ADAM12: variants seen among roughly 807,000 people sequenced by gnomAD.
ADAM12 encodes the protein ADAM metallopeptidase domain 12.
A neutral mutation model predicts 106.4 loss-of-function variants in ADAM12; 70 were observed. That is an observed-to-expected ratio of 0.66 (90% confidence interval 0.54 to 0.80). The LOEUF (loss-of-function observed/expected upper bound fraction) is 0.80. Ranked by LOEUF, ADAM12 falls within the 30% of genes least tolerant of loss-of-function variation. The probability of loss-of-function intolerance (pLI) is 0.00; values close to 1 mark genes in which losing one functional copy is unlikely to be tolerated. For missense variants in ADAM12, 1,010 were observed against 1,171.9 expected (o/e 0.86, Z 2.02); for synonymous variants, 420 against 433.5 (o/e 0.97, Z 0.39).
chr10:126,116,671 C>T (rs1023868062), intron 6 of ADAM12, among the ~76,000 whole-genome samples: 1 of 151,860 alleles, frequency 6.6e-6, no homozygotes, highest in Admixed American at 6.6e-5. Context: ...TGAGCACCTG[C>T]CATAGAAAGT....
chr10:126,376,570 A>G (rs1361110167), intron 1 of ADAM12, among the ~76,000 whole-genome samples: 2 of 152,254 alleles, frequency 1.3e-5, no homozygotes, highest in Non-Finnish European at 2.9e-5. Context: ...TATATCTTAC[A>G]AAGATGCACA....
chr10:126,242,567 C>T (rs375651052), intron 3 of ADAM12, among the ~76,000 whole-genome samples: 3 of 152,212 alleles, frequency 2.0e-5, no homozygotes, highest in African/African-American at 7.2e-5. Context: ...CTTCACAGAG[C>T]GTGGGCGTCT....
intron 3 of ADAM12, among the ~76,000 whole-genome samples, chr10:126,165,575 T>A (rs1364563633): frequency 6.6e-6 from 1 of 152,214 alleles, no homozygotes. Context: ...GTTAAGTGAC[T>A]TGTCCAAAGC....
intron 6 of ADAM12, 24 bp from the exon 7 acceptor site, chr10:126,109,864 A>T (rs370065415): frequency 5.6e-6 from 9 of 1,605,282 alleles, no homozygotes; most frequent in Non-Finnish European, 7.7e-6. Flanking sequence ...ACATGCACTT[A>T]ATCTCTCTTA....
chr10:126,061,075 A>T (rs1467870880), intron 14 of ADAM12, among the ~76,000 whole-genome samples: 1 of 152,116 alleles, frequency 6.6e-6, no homozygotes, highest in African/African-American at 2.4e-5. Context: ...CTGGCAAACC[A>T]CTATTCCACG....
chr10:126,359,408 C>T (rs934133426), intron 1 of ADAM12, among the ~76,000 whole-genome samples: 4 of 152,182 alleles, frequency 2.6e-5, no homozygotes, highest in Admixed American at 6.5e-5. Context: ...CCTGTAAAAT[C>T]AAAAGCAAGT....
At chr10:126,274,037 C>A (rs1017487745) in intron 3 of ADAM12, among the ~76,000 whole-genome samples, 2 of 152,172 alleles carry the variant, frequency 1.3e-5, no homozygotes, top group Non-Finnish European at 2.9e-5. Context: ...AATTGTTTCT[C>A]ACCCCACCCA....
intron 1 of ADAM12, among the ~76,000 whole-genome samples, chr10:126,380,279 C>G (rs1184603490): frequency 6.6e-6 from 1 of 152,174 alleles, no homozygotes; most frequent in African/African-American, 2.4e-5. Flanking sequence ...ATTCAATGTG[C>G]ACATTTCAAT....
At chr10:126,242,012 T>C (rs547279708) in intron 3 of ADAM12, among the ~76,000 whole-genome samples, 1 of 152,264 alleles carries the variant, frequency 6.6e-6, no homozygotes, top group African/African-American at 2.4e-5. Flanking sequence ...ACATACATGT[T>C]TGGAATCTTA....
intron 3 of ADAM12, among the ~76,000 whole-genome samples, chr10:126,235,639 A>T (rs74938218): frequency 0.074 from 11,219 of 152,234 alleles, 504 homozygotes; most frequent in East Asian, 0.13. Flanking sequence ...AGAAGATGCC[A>T]CCAGGATGCG....
chr10:126,081,513 C>G (rs1263294014), intron 11 of ADAM12, among the ~76,000 whole-genome samples: 1 of 152,092 alleles, frequency 6.6e-6, no homozygotes, highest in East Asian at 1.9e-4. Context: ...TTTTGCAGAC[C>G]AAAATGGAGT....
At chr10:126,369,000 G>A (rs1281555027) in intron 1 of ADAM12, among the ~76,000 whole-genome samples, 1 of 152,108 alleles carries the variant, frequency 6.6e-6, no homozygotes, top group Non-Finnish European at 1.5e-5. Flanking sequence ...TACCCAATAT[G>A]AAAATTAGCA....
At chr10:126,091,120 T>C (rs1480100798) in intron 11 of ADAM12, 1 of 150,774 alleles carries the variant, frequency 6.6e-6, no homozygotes, top group Non-Finnish European at 1.5e-5. Flanking sequence ...ACTGGGAGTC[T>C]TTCCAGCAAT....
chr10:126,017,400 G>T, intron 22 of ADAM12, 61 bp from the exon 23 acceptor site: 1 of 1,465,196 alleles, frequency 6.8e-7, no homozygotes, highest in Non-Finnish European at 9.3e-7. Context: ...TCTGAGGATA[G>T]AGAGGTCTGG....
At chr10:126,307,598 T>C (rs567285979) in intron 2 of ADAM12, among the ~76,000 whole-genome samples, 24 of 152,156 alleles carry the variant, frequency 1.6e-4, no homozygotes, top group Non-Finnish European at 3.1e-4. Flanking sequence ...TGGAGTGCAG[T>C]GGCGCGATCT....
In ADAM12 at chr10:126,049,104, C is replaced by A. The variant is rs1426403710; in HGVS notation, c.1917+149G>T. On this transcript the variant is annotated intron_variant, in intron 16 of 22. Transcript: ENST00000448723. The surrounding 1 kb of genome is among the most constrained non-coding windows in gnomAD (Gnocchi z 4.4). ...TGCATTTTAATAGTCAGACCAGGAT[C>A]TAGGATTTATTGACTTTTTCTTCTA... 1 of 1,061,690 alleles carries A rather than the reference C, an allele frequency of 9.4e-7. No individual in the cohort carries two copies. The highest frequency in any genetic ancestry group is 1.6e-5 in the African/African-American group (1 of 63,516). The allele number at this position is 1,061,690 out of a possible 1,614,324, so 65.8% of individuals were successfully genotyped here.
At chr10:126,144,210 G>A (rs1008985500) in intron 4 of ADAM12, among the ~76,000 whole-genome samples, 1 of 152,186 alleles carries the variant, frequency 6.6e-6, no homozygotes, top group Non-Finnish European at 1.5e-5. Flanking sequence ...GGAACAGCAC[G>A]TCTGCAATAG....
intron 2 of ADAM12, among the ~76,000 whole-genome samples, chr10:126,321,521 A>G (rs1054918247): frequency 6.6e-6 from 1 of 152,246 alleles, no homozygotes; most frequent in South Asian, 2.1e-4. Flanking sequence ...AGCCAGGGAC[A>G]CAGTTGAAAC....
chr10:126,318,570 A>ACTCT (rs2133829779), intron 2 of ADAM12, among the ~76,000 whole-genome samples: 1 of 151,516 alleles, frequency 6.6e-6, no homozygotes, highest in African/African-American at 2.4e-5. Context: ...ACACTCACAC[A>ACTCT]CTCACATACA....
Sources: gnomAD v4.1 joint callset for allele counts (sites outside exome capture counted in the v4.1 genomes callset) on GRCh38, gnomAD v4.1.1 for gene constraint, Gnocchi (gnomAD v3.1) non-coding constraint, MANE v1.5 for transcripts, NCBI Gene and HGNC (gene_info 2026-07-23, HGNC 2026-07-21) for gene names.